Variants in DAP3 observed in about 807,000 individuals in gnomAD.
The protein encoded by DAP3 is death associated protein 3.
In DAP3, 28 loss-of-function variants were observed where a neutral mutation model predicts 51.9. That is an observed-to-expected ratio of 0.54 (90% CI 0.40 to 0.74). The LOEUF is 0.74. Ranked by LOEUF, DAP3 falls within the 30% of genes least tolerant of loss-of-function variation. The pLI is 0.00. For missense variants in DAP3, 458 were observed against 483.5 expected, an observed-to-expected ratio of 0.95 and a Z score of 0.49; for synonymous variants, 170 against 170.3, an observed-to-expected ratio of 1.00 and a Z score of 0.01.
At position 155,731,432 on chromosome 1, in the gene DAP3, C is replaced by A. The variant is rs372226022; in HGVS notation, c.903+17C>A. 11 of 1,610,514 alleles carry A rather than the reference C, an allele frequency of 6.8e-6. No individual in the cohort carries two copies. The highest frequency in any genetic ancestry group is 9.3e-6 in the Non-Finnish European group (11 of 1,177,170). ...AATGATTGGGTAAGTGCATATGATA[C>A]CTCACACATTTCAGAAAGAAATGTA... On this transcript the variant is annotated intron_variant, in intron 10 of 12. Transcript: ENST00000368336.
intron 4 of DAP3, among the ~76,000 whole-genome samples, chr1:155,723,258 G>A (rs1225237410): frequency 6.6e-6 from 1 of 152,060 alleles, no homozygotes; most frequent in African/African-American, 2.4e-5. Context: ...GACCTCCTGG[G>A]CTCAAGCGAT....
At chr1:155,736,575 C>T in intron 11 of DAP3, 1 of 268,950 alleles carries the variant, frequency 3.7e-6, no homozygotes, top group Non-Finnish European at 7.2e-6. Flanking sequence ...CAGCACCACT[C>T]CTGGCTAATT....
intron 11 of DAP3, among the ~76,000 whole-genome samples, chr1:155,733,872 G>A (rs1218859004): frequency 2.6e-5 from 4 of 151,916 alleles, no homozygotes; most frequent in African/African-American, 9.7e-5. Context: ...ATTCCTTCAT[G>A]GCCAGGCTTG....
intron 1 of DAP3, among the ~76,000 whole-genome samples, chr1:155,704,521 T>C (rs1490377186): frequency 9.2e-5 from 14 of 152,096 alleles, no homozygotes; most frequent in African/African-American, 3.1e-4. Context: ...GGAGTGACAT[T>C]GCACTCTAGA....
At chr1:155,695,935 T>A (rs1654456406) in intron 1 of DAP3, among the ~76,000 whole-genome samples, 1 of 152,192 alleles carries the variant, frequency 6.6e-6, no homozygotes, top group African/African-American at 2.4e-5. Flanking sequence ...ACTGGAAAAT[T>A]TTATTTTTAG....
In DAP3 at chr1:155,729,069, A is replaced by T; in HGVS notation, c.631A>T (p.Asn211Tyr). Residue 211 changes from asparagine to tyrosine, a missense_variant, in exon 8 of 13, where the codon AAT becomes TAT. Asn to Tyr is a moderately radical substitution (Grantham distance 143, BLOSUM62 -2). Coordinates refer to ENST00000368336, the MANE Select transcript of DAP3 (RefSeq NM_004632.4). ...QIKVQEKYVW[N>Y]KRESTEKGSP... ...AAAAGTTCAAGAGAAGTATGTCTGGAATAAGAGAGAAAGCACTGAGAAAGG... is the reference window on the plus strand; with the variant it reads ...AAAAGTTCAAGAGAAGTATGTCTGGTATAAGAGAGAAAGCACTGAGAAAGG... 6.2e-7 allele frequency: 1 copy of T among 1,613,956 alleles called. No homozygotes were observed. The highest frequency in any genetic ancestry group is 2.2e-5 in the East Asian group (1 of 44,872).
At position 155,698,016 on chromosome 1, in the gene DAP3, G is replaced by A. The variant is rs551137358; in HGVS notation, c.-8+8842G>A. Among the ~76,000 whole-genome samples, 52 of 152,292 alleles carry A rather than the reference G, an allele frequency of 3.4e-4. No individual in the cohort carries two copies. In the South Asian group the frequency reaches 8.9e-3, roughly 26 times the overall value. ...TCTGAAAGAAGAGAAATATGACTCT[G>A]TTCTGCCTGGCCCCACAGGCAGTCA... On this transcript the variant is annotated intron_variant, in intron 1 of 12. Transcript: ENST00000368336.
chr1:155,719,437 T>C (rs1486499517), intron 3 of DAP3, among the ~76,000 whole-genome samples: 3 of 151,894 alleles, frequency 2.0e-5, no homozygotes, highest in East Asian at 3.9e-4. Context: ...GGTTTTACCA[T>C]GTTGGCCAGG....
At chr1:155,738,099 G>A in intron 12 of DAP3, 58 bp from the exon 13 acceptor site, 2 of 1,545,550 alleles carry the variant, frequency 1.3e-6, no homozygotes, top group Non-Finnish European at 1.8e-6. Flanking sequence ...ACGATATTCT[G>A]GGGAACACAG....
At chr1:155,717,215 A>T in intron 3 of DAP3, 87 bp downstream of exon 3, 5 of 1,569,456 alleles carry the variant, frequency 3.2e-6, no homozygotes, top group Non-Finnish European at 4.3e-6. Flanking sequence ...TGAAACTGAA[A>T]GAAGCTTAGT....
chr1:155,710,983 A>G (rs1232447444), intron 2 of DAP3, among the ~76,000 whole-genome samples: 2 of 152,134 alleles, frequency 1.3e-5, no homozygotes, highest in African/African-American at 4.8e-5. Flanking sequence ...CTGAGCCAGA[A>G]AGACTTGGTC....
intron 9 of DAP3, among the ~76,000 whole-genome samples, chr1:155,731,005 C>T (rs1269982246): frequency 6.6e-6 from 1 of 152,086 alleles, no homozygotes; most frequent in Non-Finnish European, 1.5e-5. Flanking sequence ...TGCAGTGGCT[C>T]ATGCTTGTAA....
At chr1:155,724,038 CAAA>C (rs560166121) in intron 4 of DAP3, among the ~76,000 whole-genome samples, 9 of 80,544 alleles carry the variant, frequency 1.1e-4, no homozygotes, top group African/African-American at 1.8e-4. Context: ...GACTCTGTCT[CAAA>C]AAAAAAAAAA....
chr1:155,697,880 CAG>C (rs1230901109), intron 1 of DAP3, among the ~76,000 whole-genome samples: 1 of 152,202 alleles, frequency 6.6e-6, no homozygotes, highest in African/African-American at 2.4e-5. Context: ...CTGCATAAGA[CAG>C]ACACTCCCAG....
At chr1:155,716,839 C>T (rs1657393423) in intron 2 of DAP3, among the ~76,000 whole-genome samples, 167 bp from the exon 3 acceptor site, 1 of 151,056 alleles carries the variant, frequency 6.6e-6, no homozygotes, top group African/African-American at 2.4e-5. Context: ...CCCAGTTACT[C>T]AGGAAGCTGA....
chr1:155,731,412 T>C lies in DAP3; in HGVS notation c.900T>C (p.Asp300=). 1 of 1,613,898 alleles carries C rather than the reference T, an allele frequency of 6.2e-7. No individual in the cohort carries two copies. The highest frequency in any genetic ancestry group is 8.5e-7 in the Non-Finnish European group (1 of 1,179,882). ...VHNLRKMMKN[D]WHGGAIVSAL... is the part of the protein sequence containing the mutation. ...ACTTGAGGAAAATGATGAAAAATGA[T>C]TGGGTAAGTGCATATGATACCTCAC... The change falls in exon 10 of 13, where the codon GAT becomes GAC. Residue 300 remains aspartate (D), a synonymous_variant. Coordinates refer to ENST00000368336, the MANE Select transcript of DAP3 (RefSeq NM_004632.4).
chr1:155,711,690 G>T (rs1656741658), intron 2 of DAP3, among the ~76,000 whole-genome samples: 5 of 151,580 alleles, frequency 3.3e-5, no homozygotes, highest in Admixed American at 3.3e-4. Flanking sequence ...GTTTGTTAAG[G>T]AGTATTGAGT....
chr1:155,705,900 C>T (rs2149136030), intron 1 of DAP3, among the ~76,000 whole-genome samples: 1 of 152,042 alleles, frequency 6.6e-6, no homozygotes, highest in Admixed American at 6.6e-5. Flanking sequence ...AGGGTTTCAC[C>T]ATATTGTCCA....
intron 1 of DAP3, among the ~76,000 whole-genome samples, chr1:155,699,501 C>T (rs933614994): frequency 7.2e-5 from 11 of 152,134 alleles, no homozygotes; most frequent in African/African-American, 1.9e-4. Flanking sequence ...ATGCAGGCAC[C>T]CCATGAGCCT....
Sources: gnomAD v4.1 joint callset for allele counts (sites outside exome capture counted in the v4.1 genomes callset) on GRCh38, gnomAD v4.1.1 for gene constraint, MANE v1.5 for transcripts, NCBI Gene and HGNC (gene_info 2026-07-23, HGNC 2026-07-21) for gene names.